The following TRPM7 variants were observed in gnomAD, a reference collection of about 807,000 sequenced individuals.
TRPM7 encodes transient receptor potential cation channel subfamily M member 7.
In TRPM7, 134 loss-of-function variants were observed where a neutral mutation model predicts 229.7. That is an observed-to-expected ratio of 0.58 (90% CI 0.51 to 0.67). TRPM7 has a LOEUF of 0.67. Ranked by LOEUF, TRPM7 falls within the 30% of genes least tolerant of loss-of-function variation. The pLI is 0.00. For synonymous variants in TRPM7, 699 were observed against 715.2 expected, an observed-to-expected ratio of 0.98 and a Z score of 0.36; for missense variants, 1,901 against 2,210.0, an observed-to-expected ratio of 0.86 and a Z score of 2.80.
intron 20 of TRPM7, among the ~76,000 whole-genome samples, chr15:50,606,456 G>A (rs887301694): frequency 2.6e-5 from 4 of 152,188 alleles, no homozygotes; most frequent in African/African-American, 4.8e-5. Flanking sequence ...TAAATATTAC[G>A]AAAAAGATTT....
At chr15:50,686,510 G>C in intron 1 of TRPM7, 21 bp downstream of exon 1, 1 of 1,613,792 alleles carries the variant, frequency 6.2e-7, no homozygotes, top group Non-Finnish European at 8.5e-7. Flanking sequence ...TTCCCCGCCC[G>C]GGCCTGCGTG....
intron 11 of TRPM7, 38 bp from the exon 12 acceptor site, chr15:50,624,338 A>G (rs768167209): frequency 4.6e-6 from 7 of 1,506,598 alleles, no homozygotes; most frequent in Non-Finnish European, 6.3e-6. Flanking sequence ...TATTTCACAT[A>G]TTCTAATTAT....
chr15:50,558,527 T>G lies in TRPM7; in HGVS notation c.*3151A>C, dbSNP rs1362665306. 6.6e-6 allele frequency: 1 copy of G among 152,074 alleles called. No individual in the cohort carries two copies. The highest frequency in any genetic ancestry group is 6.6e-5 in the Admixed American group (1 of 15,252). 9.4% of individuals were successfully genotyped at this position (152,074 alleles called of 1,614,324 possible). ...GGCCAACAAGGTGAAACCTTGTCTC[T>G]ACGAAAAATACAAAAATCAGCCAGG... On this transcript the variant is annotated 3_prime_UTR_variant, in exon 39 of 39. Transcript: ENST00000646667.
At chr15:50,677,849 A>C (rs1167684875) in intron 1 of TRPM7, among the ~76,000 whole-genome samples, 4 of 152,040 alleles carry the variant, frequency 2.6e-5, no homozygotes, top group African/African-American at 9.7e-5. Context: ...GGACAGGAAA[A>C]TGTGACCCAT....
chr15:50,666,580 G>T (rs2061887450), intron 1 of TRPM7, among the ~76,000 whole-genome samples: 1 of 152,152 alleles, frequency 6.6e-6, no homozygotes, highest in Non-Finnish European at 1.5e-5. Context: ...GAGGCGGGCA[G>T]ATCACCTGAC....
chr15:50,645,981 TG>T (rs1355825286), intron 4 of TRPM7, among the ~76,000 whole-genome samples: 1 of 151,430 alleles, frequency 6.6e-6, no homozygotes, highest in African/African-American at 2.4e-5. Context: ...GCCAACATGG[TG>T]AAACCCTGTC....
chr15:50,681,264 TACACACACACACAC>T (rs72070923), intron 1 of TRPM7, among the ~76,000 whole-genome samples: 1 of 146,906 alleles, frequency 6.8e-6, no homozygotes, highest in Non-Finnish European at 1.5e-5. Flanking sequence ...AATAAATAAA[TACACACACACACAC>T]ACACACACAC....
In TRPM7 at chr15:50,586,489, C is replaced by G; in HGVS notation, c.4390-1G>C. ...AAGTGTTTTCAGAAGTATTGTTATT[C>G]TGCAAATATTGTGCAGACATATAAT... is the stretch of plus-strand genomic sequence containing the variant. On this transcript the variant is annotated splice_acceptor_variant, in intron 27 of 38. Coordinates refer to ENST00000646667, the MANE Select transcript of TRPM7 (RefSeq NM_017672.6). LOFTEE classifies it high-confidence loss of function. The G allele has an allele frequency of 6.3e-7, 1 of 1,595,392 alleles. No homozygotes were observed. Among genetic ancestry groups the G allele is most frequent in the East Asian group, 2.2e-5 (1 of 44,718 alleles).
At chr15:50,611,376 C>A in intron 16 of TRPM7, 55 bp from the exon 17 acceptor site, 1 of 1,348,658 alleles carries the variant, frequency 7.4e-7, no homozygotes, top group South Asian at 1.3e-5. Flanking sequence ...CAATTTTAAA[C>A]CACTATTCTT....
intron 1 of TRPM7, among the ~76,000 whole-genome samples, chr15:50,668,330 C>T (rs1383416658): frequency 6.6e-6 from 1 of 152,122 alleles, no homozygotes; most frequent in Non-Finnish European, 1.5e-5. Context: ...TTGCTTAAAA[C>T]GTCGCTGATC....
chr15:50,676,658 G>A (rs1412956497), intron 1 of TRPM7, among the ~76,000 whole-genome samples: 1 of 152,000 alleles, frequency 6.6e-6, no homozygotes, highest in Non-Finnish European at 1.5e-5. Flanking sequence ...TTAGAATAAA[G>A]GAATGGTATT....
intron 4 of TRPM7, 132 bp from the exon 5 acceptor site, chr15:50,643,685 A>C (rs574860925): frequency 5.6e-5 from 36 of 645,538 alleles, no homozygotes; most frequent in Admixed American, 8.8e-5. Flanking sequence ...TATTTTCAAT[A>C]TATTTATACT....
chr15:50,591,813 T>C, intron 26 of TRPM7, 98 bp downstream of exon 26: 3 of 895,702 alleles, frequency 3.3e-6, no homozygotes, highest in Non-Finnish European at 4.8e-6. Flanking sequence ...AATTATACTC[T>C]ATGAAAAGAT....
intron 23 of TRPM7, among the ~76,000 whole-genome samples, chr15:50,596,052 T>G (rs1274919188): frequency 6.6e-6 from 1 of 152,102 alleles, no homozygotes; most frequent in Non-Finnish European, 1.5e-5. Context: ...TAAAGAAAAC[T>G]GCAGGTTGAA....
At position 50,604,907 on chromosome 15, in the gene TRPM7, T is replaced by G; in HGVS notation, c.2947A>C (p.Asn983His). ...YVRLLDFLAV[N>H]QQAGPYVMMI... The stretch of plus-strand genomic sequence containing the variant: ...ATTACATAAGGTCCTGCCTGTTGAT[T>G]TACAGCTAGAAAATCTAGCAAACGC... The change falls in exon 21 of 39, where the codon AAT (asparagine) becomes CAT (histidine). Residue 983 changes from asparagine (N) to histidine (H), a missense_variant. Physicochemically the swap from Asn to His is moderately conservative, Grantham distance 68 (BLOSUM62 1). This residue lies in a region of TRPM7 where 207 missense variants were observed against 241.5 expected (regional missense o/e 0.86). Coordinates refer to ENST00000646667, the MANE Select transcript of TRPM7 (RefSeq NM_017672.6). The G allele has an allele frequency of 6.2e-7, 1 of 1,611,346 alleles. No individual in the cohort carries two copies. The highest frequency in any genetic ancestry group is 8.5e-7 in the Non-Finnish European group (1 of 1,178,604).
chr15:50,680,378 T>C (rs2062214804), intron 1 of TRPM7, among the ~76,000 whole-genome samples: 1 of 151,854 alleles, frequency 6.6e-6, no homozygotes. Context: ...CTGTCTCCAG[T>C]AAAAACACAA....
At chr15:50,598,172 G>A (rs2059682340) in intron 22 of TRPM7, among the ~76,000 whole-genome samples, 1 of 152,140 alleles carries the variant, frequency 6.6e-6, no homozygotes. Flanking sequence ...GGGGAGGTAA[G>A]AATGAAGGAA....
At chr15:50,639,372 A>G (rs1281837604) in intron 6 of TRPM7, 52 bp downstream of exon 6, 2 of 1,423,126 alleles carry the variant, frequency 1.4e-6, no homozygotes, top group Admixed American at 2.0e-5. Flanking sequence ...TCTTACTATA[A>G]TTTTGTTTAC....
intron 1 of TRPM7, among the ~76,000 whole-genome samples, chr15:50,672,166 G>A (rs1271218243): frequency 6.6e-6 from 1 of 151,992 alleles, no homozygotes; most frequent in Non-Finnish European, 1.5e-5. Flanking sequence ...CCATTCTCCT[G>A]CCTCAGCCTC....
Sources: allele counts gnomAD v4.1 joint callset (sites outside exome capture counted in the v4.1 genomes callset), GRCh38; gene constraint gnomAD v4.1.1; regional missense constraint gnomAD v4.1.1; transcripts MANE v1.5; gene names NCBI Gene and HGNC (gene_info 2026-07-23, HGNC 2026-07-21).